The following THOC1 variants were observed in gnomAD, a reference collection of about 807,000 sequenced individuals.
THOC1 encodes the protein THO complex 1.
Under a neutral mutation model 97.3 loss-of-function variants are expected in THOC1, and 29 were observed. The observed-to-expected ratio is 0.30, with a 90% CI of 0.22 to 0.41. The LOEUF (loss-of-function observed/expected upper bound fraction) is 0.41, where lower values mean the gene tolerates loss of function less well. Ranked by LOEUF, THOC1 falls within the 10% of genes least tolerant of loss-of-function variation. THOC1 has a pLI of 1.00. For synonymous variants in THOC1, 255 were observed against 257.0 expected (o/e 0.99, Z 0.07); for missense variants, 529 against 761.9 (o/e 0.69, Z 3.60).
chr18:229,013 A>G (rs781723580), intron 11 of THOC1, among the ~76,000 whole-genome samples: 3 of 152,218 alleles, frequency 2.0e-5, no homozygotes, highest in Admixed American at 2.0e-4. Context: ...GAGAAGAAAA[A>G]TTAAATTGGA....
chr18:238,094 G>C (rs1279387531), intron 11 of THOC1, among the ~76,000 whole-genome samples: 3 of 152,088 alleles, frequency 2.0e-5, no homozygotes, highest in East Asian at 3.9e-4. Context: ...TCAAACTCCT[G>C]ACCTCAAGTG....
At chr18:267,712 G>A (rs1912823821) in intron 1 of THOC1, among the ~76,000 whole-genome samples, 1 of 152,218 alleles carries the variant, frequency 6.6e-6, no homozygotes, top group Admixed American at 6.5e-5. Flanking sequence ...CACTCCAAGC[G>A]GGGAGCCGAG....
chr18:216,699 T>A, intron 18 of THOC1, 66 bp from the exon 19 acceptor site: 1 of 1,527,230 alleles, frequency 6.5e-7, no homozygotes, highest in Admixed American at 2.2e-5. Context: ...TCTGCTCAGT[T>A]CTGCCATGTG....
Position 260,158 on chromosome 18 carries a change from T to C in THOC1, c.375+28A>G, listed in dbSNP as rs780025978. On this transcript the variant is annotated intron_variant, in intron 5 of 20. Coordinates refer to ENST00000261600, the MANE Select transcript of THOC1 (RefSeq NM_005131.3). ...TTCTGGATCTATAGAAAGATAAAGT[T>C]AGCAGGAAAAGAAACTAAGGCACTT... 3 of 1,387,858 alleles carry C rather than the reference T, an allele frequency of 2.2e-6. No homozygotes were observed. The South Asian group carries it at 4.2e-5, about 20-fold the overall frequency. 86.0% of individuals were successfully genotyped at this position (1,387,858 alleles called of 1,614,324 possible).
At chr18:219,627 TAAAG>T (rs898268808) in intron 17 of THOC1, among the ~76,000 whole-genome samples, 1 of 152,092 alleles carries the variant, frequency 6.6e-6, no homozygotes, top group Admixed American at 6.6e-5. Flanking sequence ...GGACAATAAA[TAAAG>T]GGGATAGTCT....
intron 8 of THOC1, among the ~76,000 whole-genome samples, chr18:253,744 C>T (rs1267529911): frequency 6.6e-6 from 1 of 151,996 alleles, no homozygotes; most frequent in Non-Finnish European, 1.5e-5. Context: ...GAAAGCTATG[C>T]CATAATCTAC....
chr18:253,903 T>A (rs2588315), intron 8 of THOC1, among the ~76,000 whole-genome samples: 1 of 48,518 alleles, frequency 2.1e-5, no homozygotes, highest in Non-Finnish European at 4.0e-5. Context: ...TTACATGAAA[T>A]TTTTTTTTTT....
intron 7 of THOC1, among the ~76,000 whole-genome samples, chr18:257,469 A>AT (rs1461543790): frequency 1.3e-5 from 2 of 152,166 alleles, no homozygotes; most frequent in Non-Finnish European, 2.9e-5. Context: ...AGAATCTCAT[A>AT]TTTTTTGCTG....
At chr18:222,229 A>G (rs192680454) in intron 17 of THOC1, among the ~76,000 whole-genome samples, 3,693 of 144,528 alleles carry the variant, frequency 0.026, 145 homozygotes, top group African/African-American at 0.084. Flanking sequence ...ATAACCCTAA[A>G]TAATAATTAT....
intron 11 of THOC1, among the ~76,000 whole-genome samples, chr18:233,166 T>TA (rs772030444): frequency 5.9e-4 from 90 of 152,392 alleles, no homozygotes; most frequent in Non-Finnish European, 1.0e-3. Context: ...TCTAAATGTT[T>TA]AAAAGTCTTG....
chr18:225,093 A>G lies in THOC1; in HGVS notation c.1133T>C (p.Val378Ala). 1 of 1,574,996 alleles carries G rather than the reference A, an allele frequency of 6.3e-7. No individual in the cohort carries two copies. The highest frequency in any genetic ancestry group is 8.6e-7 in the Non-Finnish European group (1 of 1,158,398). ...PPDGERFSKM[V>A]EHILNTEENW... is the part of the protein sequence containing the mutation. ...GTAAGCATAAAAAACACATACCTCT[A>G]CCATCTTTGAAAATCTTTCTCCATC... The change falls in exon 14 of 21, where the codon GTA (valine) becomes GCA (alanine). Residue 378 changes from valine (V) to alanine (A), a missense_variant. Val to Ala is a moderately conservative substitution (Grantham distance 64). This residue lies in a region of THOC1 where 123 missense variants were observed against 159.0 expected (regional missense o/e 0.77). Transcript: ENST00000261600.
At chr18:250,526 T>A (rs890515521) in intron 9 of THOC1, among the ~76,000 whole-genome samples, 2 of 152,236 alleles carry the variant, frequency 1.3e-5, no homozygotes, top group African/African-American at 4.8e-5. Context: ...CTTGATATAT[T>A]TTTTTAAATG....
In THOC1 at chr18:258,708, T is replaced by C. The variant is rs117301625; in HGVS notation, c.520+472A>G. On this transcript the variant is annotated intron_variant, in intron 7 of 20. Transcript: ENST00000261600. ...GCGGAAGGCTCTGGAGGACAAGCAA[T>C]GTCCCATTTCAGGAGCTAGATAGTG... Among the ~76,000 whole-genome samples the C allele has an allele frequency of 2.0e-5, 3 of 152,276 alleles. No individual in the cohort carries two copies. The South Asian group carries it at 6.2e-4, about 32-fold the overall frequency.
At chr18:225,530 G>T in intron 12 of THOC1, 127 bp from the exon 13 acceptor site, 1 of 726,832 alleles carries the variant, frequency 1.4e-6, no homozygotes, top group Non-Finnish European at 2.3e-6. Context: ...ACCAAGACAA[G>T]AATAATCACA....
intron 12 of THOC1, 77 bp downstream of exon 12, chr18:226,724 C>A: frequency 1.9e-6 from 2 of 1,072,620 alleles, no homozygotes; most frequent in South Asian, 1.4e-5. Context: ...TGGACACATA[C>A]ATAAGAAAAA....
At chr18:246,727 A>C (rs1453515937) in intron 10 of THOC1, among the ~76,000 whole-genome samples, 3 of 152,126 alleles carry the variant, frequency 2.0e-5, no homozygotes, top group Non-Finnish European at 2.9e-5. Flanking sequence ...CTGTAATCCC[A>C]GCACTTCGGG....
chr18:244,580 G>T (rs1312366860), intron 11 of THOC1: 1 of 152,126 alleles, frequency 6.6e-6, no homozygotes, highest in African/African-American at 2.4e-5. Context: ...TCAAACTGCT[G>T]TGCCTTCCCA....
intron 11 of THOC1, among the ~76,000 whole-genome samples, chr18:241,401 CA>C (rs1911896396): frequency 6.6e-6 from 1 of 152,038 alleles, no homozygotes; most frequent in Non-Finnish European, 1.5e-5. Flanking sequence ...AAAAAATGAC[CA>C]AAAGTCCTAA....
intron 7 of THOC1, among the ~76,000 whole-genome samples, chr18:256,082 A>G (rs1432250624): frequency 6.6e-6 from 1 of 152,242 alleles, no homozygotes; most frequent in African/African-American, 2.4e-5. Context: ...TGGGCAAGGA[A>G]ATTAATGTTG....
Sources: allele counts gnomAD v4.1 joint callset (sites outside exome capture counted in the v4.1 genomes callset), GRCh38; gene constraint gnomAD v4.1.1; regional missense constraint gnomAD v4.1.1; transcripts MANE v1.5; gene names NCBI Gene and HGNC (gene_info 2026-07-23, HGNC 2026-07-21).